SLC38A12: variants seen among roughly 807,000 people sequenced by gnomAD.
SLC38A12 encodes the protein putative sodium-coupled neutral amino acid transporter 12.
At chr17:74,824,172 T>C in the SLC38A12 span, among the ~76,000 whole-genome samples, 1 of 152,194 alleles carries the variant, frequency 6.6e-6, no homozygotes, top group East Asian at 1.9e-4. Flanking sequence ...GGGCAGCCTC[T>C]CTGTTGCCAC....
the SLC38A12 span, among the ~76,000 whole-genome samples, chr17:74,800,004 A>G: frequency 6.6e-6 from 1 of 152,250 alleles, no homozygotes; most frequent in East Asian, 1.9e-4. Context: ...TAAAGTACAC[A>G]GCGTCATCCC....
chr17:74,794,947 GAA>G, the SLC38A12 span: 442 of 1,027,080 alleles, frequency 4.3e-4, 1 homozygote, highest in East Asian at 6.6e-3. Context: ...AAAAGAAGAA[GAA>G]AAAAAAAAAA....
At chr17:74,811,738 G>T in the SLC38A12 span, among the ~76,000 whole-genome samples, 1 of 151,148 alleles carries the variant, frequency 6.6e-6, no homozygotes, top group Admixed American at 6.6e-5. Context: ...AAAAAGAAAA[G>T]AATAGTATTG....
the SLC38A12 span, among the ~76,000 whole-genome samples, chr17:74,798,170 G>C: frequency 2.6e-5 from 4 of 152,172 alleles, no homozygotes; most frequent in African/African-American, 9.7e-5. Context: ...TTTTTAAAAG[G>C]GCCTGCTAAT....
chr17:74,839,352 C>T, the SLC38A12 span: 40 of 555,148 alleles, frequency 7.2e-5, no homozygotes, highest in Non-Finnish European at 1.1e-4. Flanking sequence ...CTGCCCCGCT[C>T]CTGGAAAGCC....
chr17:74,777,327 G>T, the SLC38A12 span: 1 of 1,614,184 alleles, frequency 6.2e-7, no homozygotes, highest in East Asian at 2.2e-5. Context: ...CCTCACTTTT[G>T]GAAATGGCGG....
At chr17:74,790,900 C>A in the SLC38A12 span, 2 of 1,558,104 alleles carry the variant, frequency 1.3e-6, no homozygotes, top group Non-Finnish European at 1.8e-6. Context: ...TCACCACCCT[C>A]TGAAGCTCTC....
chr17:74,795,489 G>A, the SLC38A12 span: 701 of 1,598,334 alleles, frequency 4.4e-4, no homozygotes, highest in Non-Finnish European at 5.6e-4. Flanking sequence ...AGGCGGCCTC[G>A]CTGAGCCTGG....
chr17:74,838,643 G>A, the SLC38A12 span: 15 of 1,376,234 alleles, frequency 1.1e-5, no homozygotes, highest in South Asian at 6.1e-5. Context: ...CACCACTGCC[G>A]TTGTCTAGCT....
chr17:74,817,358 A>G, the SLC38A12 span, among the ~76,000 whole-genome samples: 12 of 152,130 alleles, frequency 7.9e-5, no homozygotes, highest in African/African-American at 1.7e-4. Context: ...CATTCCAACC[A>G]TCATCCATCT....
At chr17:74,777,088 C>T in the SLC38A12 span, among the ~76,000 whole-genome samples, 1 of 152,316 alleles carries the variant, frequency 6.6e-6, no homozygotes, top group African/African-American at 2.4e-5. Context: ...TAGAAGAAAC[C>T]GTCCAGATTT....
chr17:74,799,446 A>C, the SLC38A12 span, among the ~76,000 whole-genome samples: 1 of 152,286 alleles, frequency 6.6e-6, no homozygotes, highest in South Asian at 2.1e-4. Context: ...TGAACACAGG[A>C]GCTGTGAGAT....
the SLC38A12 span, chr17:74,785,823 A>T: frequency 1.9e-6 from 1 of 520,460 alleles, no homozygotes; most frequent in Non-Finnish European, 3.3e-6. Context: ...CCCTGATCAG[A>T]TAAAAACCTG....
the SLC38A12 span, among the ~76,000 whole-genome samples, chr17:74,781,943 G>A: frequency 6.6e-6 from 1 of 152,174 alleles, no homozygotes; most frequent in African/African-American, 2.4e-5. Flanking sequence ...CCTCTGGGCC[G>A]GGAAGTCTCT....
the SLC38A12 span, chr17:74,777,204 GCCT>G: frequency 9.3e-7 from 1 of 1,077,394 alleles, no homozygotes; most frequent in Non-Finnish European, 1.4e-6. Context: ...AAGTCTGCAA[GCCT>G]CCTCCCACCC....
At chr17:74,831,022 G>A in the SLC38A12 span, among the ~76,000 whole-genome samples, 1 of 152,206 alleles carries the variant, frequency 6.6e-6, no homozygotes, top group Admixed American at 6.5e-5. Context: ...CCCGCATTGA[G>A]CTGCTCCTAA....
chr17:74,786,358 A>G, the SLC38A12 span, among the ~76,000 whole-genome samples: 2 of 147,604 alleles, frequency 1.4e-5, no homozygotes, highest in Admixed American at 1.4e-4. Flanking sequence ...ACCTGGAAAC[A>G]CCTCCCCTGA....
the SLC38A12 span, chr17:74,791,152 G>GT: frequency 3.5e-6 from 3 of 865,276 alleles, no homozygotes; most frequent in Non-Finnish European, 5.4e-6. Flanking sequence ...GGCAGAGCAG[G>GT]TGGTAGAGCT....
chr17:74,801,332 C>T, the SLC38A12 span, among the ~76,000 whole-genome samples: 167 of 152,366 alleles, frequency 1.1e-3, no homozygotes, highest in African/African-American at 4.0e-3. Flanking sequence ...GCACTGCGTG[C>T]AGTCGTTCTA....
Sources: gnomAD v4.1 joint callset for allele counts (sites outside exome capture counted in the v4.1 genomes callset) on GRCh38, gnomAD v4.1.1 for gene constraint, MANE v1.5 for transcripts, NCBI Gene and HGNC (gene_info 2026-07-23, HGNC 2026-07-21) for gene names.